PSMF1: variants seen among roughly 807,000 people sequenced by gnomAD.
The protein encoded by PSMF1 is proteasome inhibitor PI31 subunit.
A neutral mutation model predicts 29.3 loss-of-function variants in PSMF1; 30 were observed. The ratio of observed to expected loss-of-function variants is 1.02; its 90% CI spans 0.77 to 1.39. The LOEUF is 1.39. Ranked by LOEUF, PSMF1 falls within the 40% of genes most tolerant of loss-of-function variation. PSMF1 has a pLI of 0.00. For missense variants in PSMF1, 344 were observed against 357.5 expected (o/e 0.96, Z 0.31); for synonymous variants, 134 against 139.7 (o/e 0.96, Z 0.29).
rs765321605 is a variant in PSMF1, at chr20:1,135,203, A to G, written c.448A>G (p.Asn150Asp). Residue 150 changes from asparagine to aspartate, a missense_variant, in exon 4 of 7, where the codon AAT (asparagine) becomes GAT (aspartate). Transcript: ENST00000335877. ...TATCCATGAGCAGTGGGAAAAGGCT[A>G]ATGTAAGCAGTCCCCACCGGGAGTT... ...TPIHEQWEKA[N>D]VSSPHREFPP... 6.2e-7 allele frequency: 1 copy of G among 1,614,072 alleles called. No homozygotes were observed. Among genetic ancestry groups the G allele is most frequent in the East Asian group, 2.2e-5 (1 of 44,866 alleles).
rs1176172881 is a variant in PSMF1, at chr20:1,166,319, C to T, written c.*1239C>T. On this transcript the variant is annotated 3_prime_UTR_variant, in exon 7 of 7. Coordinates refer to ENST00000335877, the MANE Select transcript of PSMF1 (RefSeq NM_006814.5). ...CAGGCTAAGAGGCACGAGATCAAGG[C>T]GGTAGTCACTTCCGCTCTGCAGCTA... 11 of 1,511,848 alleles carry T rather than the reference C, an allele frequency of 7.3e-6. No homozygotes were observed. The Admixed American group carries it at 1.0e-4, about 14-fold the overall frequency. 93.7% of individuals were successfully genotyped at this position (1,511,848 alleles called of 1,614,324 possible). A position where few individuals can be genotyped will look rare whatever the true frequency, so the allele number is the denominator to read the frequency against.
At chr20:1,127,578 G>T (rs1351332235) in intron 3 of PSMF1, 70 bp downstream of exon 3, 4 of 1,273,366 alleles carry the variant, frequency 3.1e-6, no homozygotes, top group Non-Finnish European at 4.6e-6. Flanking sequence ...GAGGAATAGG[G>T]TGGATGTGTC....
At chr20:1,119,238 C>G (rs773186663) in intron 1 of PSMF1, among the ~76,000 whole-genome samples, 1 of 152,140 alleles carries the variant, frequency 6.6e-6, no homozygotes, top group Non-Finnish European at 1.5e-5. Context: ...CTCCCCAGAG[C>G]ACTTCTCACC....
chr20:1,127,631 G>A lies in PSMF1; in HGVS notation c.365+123G>A, dbSNP rs1274179766. Reference sequence around the variant, plus strand: ...TGAATGGAAGAACCTTTTATTTCTGGGCACAACTTCCTAATTTTCTTTTCT... The same window carrying A: ...TGAATGGAAGAACCTTTTATTTCTGAGCACAACTTCCTAATTTTCTTTTCT... On this transcript the variant is annotated intron_variant, in intron 3 of 6. Coordinates refer to ENST00000335877, the MANE Select transcript of PSMF1 (RefSeq NM_006814.5). 6.5e-6 allele frequency: 5 copies of A among 772,656 alleles called. No homozygotes were observed. In the Admixed American group the frequency reaches 7.4e-5, roughly 11 times the overall value. 47.9% of individuals were successfully genotyped at this position (772,656 alleles called of 1,614,324 possible).
intron 3 of PSMF1, among the ~76,000 whole-genome samples, chr20:1,128,248 A>G (rs755558973): frequency 3.3e-5 from 5 of 152,192 alleles, no homozygotes; most frequent in African/African-American, 9.7e-5. Flanking sequence ...ATCATACAGT[A>G]GTATGATTCT....
chr20:1,127,326 G>A, intron 2 of PSMF1, 100 bp from the exon 3 acceptor site: 1 of 906,652 alleles, frequency 1.1e-6, no homozygotes, highest in African/African-American at 1.6e-5. Context: ...GGACATATGT[G>A]AATATTTCTT....
intron 2 of PSMF1, chr20:1,126,034 T>C: frequency 2.2e-6 from 1 of 449,754 alleles, no homozygotes; most frequent in Non-Finnish European, 4.5e-6. Flanking sequence ...GCTCTTCCCC[T>C]CCCCCATCTG....
In PSMF1 at chr20:1,161,159, C is replaced by T. The variant is rs147451899; in HGVS notation, c.552-1971C>T. ...ACCTCATGAAGATTCTCACAGAGTA[C>T]GACTACAGCTTCCCTACCACAGCCA... On this transcript the variant is annotated intron_variant, in intron 4 of 6. Transcript: ENST00000335877. The T allele has an allele frequency of 9.3e-4, 323 of 348,802 alleles. 1 individual carries two copies. Among genetic ancestry groups the T allele is most frequent in the African/African-American group, 6.0e-3 (281 of 46,610 alleles). 21.6% of individuals were successfully genotyped at this position (348,802 alleles called of 1,614,324 possible).
chr20:1,139,455 A>G (rs2086352364), intron 4 of PSMF1, among the ~76,000 whole-genome samples: 1 of 152,228 alleles, frequency 6.6e-6, no homozygotes, highest in African/African-American at 2.4e-5. Flanking sequence ...CTATTTGTCA[A>G]TGACGTGATA....
intron 4 of PSMF1, among the ~76,000 whole-genome samples, chr20:1,158,155 A>G (rs2086618383): frequency 6.6e-6 from 1 of 152,168 alleles, no homozygotes; most frequent in African/African-American, 2.4e-5. Context: ...GCAGAACGCA[A>G]TGTCATGGGA....
chr20:1,165,343 C>A lies in PSMF1; in HGVS notation c.*263C>A. The stretch of plus-strand genomic sequence containing the variant: ...CTCCCCTTTCACCACCAGCTCCTCT[C>A]CACTTCCCAAGGGAGACTCCGGCAA... On this transcript the variant is annotated 3_prime_UTR_variant, in exon 7 of 7. Coordinates refer to ENST00000335877, the MANE Select transcript of PSMF1 (RefSeq NM_006814.5). 1 of 1,379,908 alleles carries A rather than the reference C, an allele frequency of 7.2e-7. No individual in the cohort carries two copies. Among genetic ancestry groups the A allele is most frequent in the South Asian group, 1.7e-5 (1 of 58,436 alleles). 85.5% of individuals were successfully genotyped at this position (1,379,908 alleles called of 1,614,324 possible).
At position 1,165,290 on chromosome 20, in the gene PSMF1, A is replaced by G. The variant is rs2034348967; in HGVS notation, c.*210A>G. ...AGCTGCAGATAGCTCCCAAAGAGAAATCAGTGTGTCTCTTTCACCATCAGC... is the reference window on the plus strand; with the variant it reads ...AGCTGCAGATAGCTCCCAAAGAGAAGTCAGTGTGTCTCTTTCACCATCAGC... On this transcript the variant is annotated 3_prime_UTR_variant, in exon 7 of 7. Coordinates refer to ENST00000335877, the MANE Select transcript of PSMF1 (RefSeq NM_006814.5). The G allele has an allele frequency of 2.1e-6, 3 of 1,414,920 alleles. No homozygotes were observed. Among genetic ancestry groups the G allele is most frequent in the Middle Eastern group, 2.6e-4 (1 of 3,848 alleles). 87.6% of individuals were successfully genotyped at this position (1,414,920 alleles called of 1,614,324 possible).
rs1405073760 is a variant in PSMF1, at chr20:1,165,835, A to G, written c.*755A>G. ...GGCAGCAGTAGTCAAAAAGCCAAGGAAAAAACAGAGCAGACCTGAAGGCTA... is the reference window on the plus strand; with the variant it reads ...GGCAGCAGTAGTCAAAAAGCCAAGGGAAAAACAGAGCAGACCTGAAGGCTA... On this transcript the variant is annotated 3_prime_UTR_variant, in exon 7 of 7. Coordinates refer to ENST00000335877, the MANE Select transcript of PSMF1 (RefSeq NM_006814.5). 2 of 1,090,514 alleles carry G rather than the reference A, an allele frequency of 1.8e-6. No homozygotes were observed. The highest frequency in any genetic ancestry group is 3.2e-5 in the South Asian group (1 of 31,514). 67.6% of individuals were successfully genotyped at this position (1,090,514 alleles called of 1,614,324 possible). A position where few individuals can be genotyped will look rare whatever the true frequency, so the allele number is the denominator to read the frequency against.
chr20:1,127,495 G>A lies in PSMF1; in HGVS notation c.352G>A (p.Gly118Ser), dbSNP rs1244081516. Residue 118 changes from glycine to serine, a missense_variant, in exon 3 of 7, where the codon GGT becomes AGT. Gly to Ser is a moderately conservative substitution (Grantham distance 56). Coordinates refer to ENST00000335877, the MANE Select transcript of PSMF1 (RefSeq NM_006814.5). ...TGATTATATCGATGCAGAACACCTG[G>A]GTGACTTCCACAGGTACTTCTAAAT... Reference protein sequence around the residue: ...LDDYIDAEHLGDFHRTYKNSE... With the variant: ...LDDYIDAEHLSDFHRTYKNSE... 2 of 1,599,670 alleles carry A rather than the reference G, an allele frequency of 1.3e-6. No homozygotes were observed. The highest frequency in any genetic ancestry group is 1.3e-5 in the African/African-American group (1 of 74,658).
At chr20:1,155,619 G>A (rs1319365982) in intron 4 of PSMF1, among the ~76,000 whole-genome samples, 1 of 152,228 alleles carries the variant, frequency 6.6e-6, no homozygotes, top group Non-Finnish European at 1.5e-5. Flanking sequence ...GGCCTTACCT[G>A]CAGCTGTACA....
chr20:1,133,570 T>TATATATA (rs1555760108), intron 3 of PSMF1, among the ~76,000 whole-genome samples: 2 of 63,154 alleles, frequency 3.2e-5, no homozygotes, highest in Admixed American at 1.7e-4. Flanking sequence ...TATATATATA[T>TATATATA]TTTTTTTTTT....
chr20:1,126,917 G>C (rs2086164329), intron 2 of PSMF1, among the ~76,000 whole-genome samples: 2 of 152,118 alleles, frequency 1.3e-5, no homozygotes, highest in African/African-American at 4.8e-5. Flanking sequence ...ATAGCTCATT[G>C]AAACAGGTTT....
At position 1,127,358 on chromosome 20, in the gene PSMF1, C is replaced by G. The variant is rs529253545; in HGVS notation, c.283-68C>G. On this transcript the variant is annotated intron_variant, in intron 2 of 6. Transcript: ENST00000335877. ...TCTTTAGGTTGAAGACTTTGTTACT[C>G]TCCCTTCACCCTCCCACTCTTAGCC... 4.9e-5 allele frequency: 58 copies of G among 1,192,084 alleles called. 1 individual carries two copies. In the South Asian group the frequency reaches 6.3e-4, roughly 13 times the overall value. The allele number at this position is 1,192,084 out of a possible 1,614,324, so 73.8% of individuals were successfully genotyped here.
At chr20:1,138,787 T>A (rs2086342224) in intron 4 of PSMF1, among the ~76,000 whole-genome samples, 1 of 151,498 alleles carries the variant, frequency 6.6e-6, no homozygotes, top group Non-Finnish European at 1.5e-5. Flanking sequence ...ATCACACCAC[T>A]GCACTCCAGC....
Sources: allele counts gnomAD v4.1 joint callset (sites outside exome capture counted in the v4.1 genomes callset), GRCh38; gene constraint gnomAD v4.1.1; transcripts MANE v1.5; gene names NCBI Gene and HGNC (gene_info 2026-07-23, HGNC 2026-07-21).